The following LRRTM4 variants were observed in gnomAD, a reference collection of about 807,000 sequenced individuals.
The protein encoded by LRRTM4 is leucine-rich repeat transmembrane neuronal protein 4.
A neutral mutation model predicts 47.6 loss-of-function variants in LRRTM4; 25 were observed. The ratio of observed to expected loss-of-function variants is 0.53; its 90% CI spans 0.38 to 0.73. The LOEUF (loss-of-function observed/expected upper bound fraction) is 0.73. Among genes scored for constraint, LRRTM4 ranks in the 30% least tolerant of loss-of-function variants. LRRTM4 has a pLI of 0.00. For synonymous variants in LRRTM4, 311 were observed against 269.5 expected (o/e 1.15, Z -1.51); for missense variants, 638 against 713.4 (o/e 0.89, Z 1.20).
intron 3 of LRRTM4, among the ~76,000 whole-genome samples, chr2:76,847,442 ATCTTC>A (rs1671869659): frequency 1.3e-5 from 2 of 152,090 alleles, no homozygotes; most frequent in Admixed American, 1.3e-4. Flanking sequence ...CCTATTTGTC[ATCTTC>A]TCTTCTTCCT....
At chr2:77,329,255 C>A (rs753980718) in intron 3 of LRRTM4, among the ~76,000 whole-genome samples, 83 of 152,180 alleles carry the variant, frequency 5.5e-4, no homozygotes, top group Non-Finnish European at 1.0e-3. Flanking sequence ...GTACCTTTAC[C>A]TTCTGTGCCC....
At chr2:77,234,358 C>T (rs1274565770) in intron 3 of LRRTM4, among the ~76,000 whole-genome samples, 1 of 152,178 alleles carries the variant, frequency 6.6e-6, no homozygotes, top group East Asian at 1.9e-4. Flanking sequence ...AGAGATTTCT[C>T]TCCTTAGCTC....
intron 3 of LRRTM4, among the ~76,000 whole-genome samples, chr2:77,008,033 G>A (rs564887394): frequency 6.6e-6 from 1 of 152,250 alleles, no homozygotes; most frequent in East Asian, 1.9e-4. Flanking sequence ...CTGAAATACA[G>A]AAGGAAAATG....
rs573056876 is a variant in LRRTM4, at chr2:76,951,290, T to C, written c.1552-202374A>G. Among the ~76,000 whole-genome samples, 77 of 152,176 alleles carry C rather than the reference T, an allele frequency of 5.1e-4. 1 individual carries two copies. Among genetic ancestry groups the C allele is most frequent in the Middle Eastern group, 3.4e-3 (1 of 294 alleles). Reference sequence around the variant, plus strand: ...TTTAATGGTAAATATGAAAGACGTATAATGATTAGGAGAGTATGAACTGCT... The same window carrying C: ...TTTAATGGTAAATATGAAAGACGTACAATGATTAGGAGAGTATGAACTGCT... On this transcript the variant is annotated intron_variant, in intron 3 of 3. Coordinates refer to ENST00000409884, the MANE Select transcript of LRRTM4 (RefSeq NM_001134745.3).
intron 3 of LRRTM4, among the ~76,000 whole-genome samples, chr2:77,243,443 AAG>A (rs1386748913): frequency 6.7e-5 from 10 of 149,202 alleles, no homozygotes; most frequent in Non-Finnish European, 1.5e-4. Context: ...ATAAAAAAAA[AAG>A]ATAAATACTA....
At chr2:77,494,690 T>A (rs1182541717) in intron 3 of LRRTM4, among the ~76,000 whole-genome samples, 1 of 152,110 alleles carries the variant, frequency 6.6e-6, no homozygotes, top group African/African-American at 2.4e-5. Context: ...AAACAATATA[T>A]AATTTAATAG....
intron 3 of LRRTM4, among the ~76,000 whole-genome samples, chr2:77,026,715 T>C (rs1002245505): frequency 3.3e-5 from 5 of 152,026 alleles, no homozygotes; most frequent in African/African-American, 1.2e-4. Context: ...TTGCCTATTA[T>C]ACACATATAC....
chr2:77,308,977 AC>A (rs528271238), intron 3 of LRRTM4, among the ~76,000 whole-genome samples: 87 of 152,270 alleles, frequency 5.7e-4, no homozygotes, highest in Admixed American at 1.5e-3. Flanking sequence ...TCATTTTCAA[AC>A]CCAGAATTTC....
chr2:77,335,542 A>C (rs1671132598), intron 3 of LRRTM4, among the ~76,000 whole-genome samples: 1 of 152,194 alleles, frequency 6.6e-6, no homozygotes, highest in Non-Finnish European at 1.5e-5. Context: ...GTATCTTACT[A>C]TTTAAGCTGA....
intron 3 of LRRTM4, among the ~76,000 whole-genome samples, chr2:77,179,633 TA>T (rs765243954): frequency 6.6e-6 from 1 of 152,026 alleles, no homozygotes; most frequent in Non-Finnish European, 1.5e-5. Context: ...TTTACTCTAT[TA>T]AAAAAATTAG....
chr2:76,824,302 A>G (rs1671133182), intron 3 of LRRTM4, among the ~76,000 whole-genome samples: 1 of 151,528 alleles, frequency 6.6e-6, no homozygotes, highest in South Asian at 2.1e-4. Flanking sequence ...GACTGGTTGT[A>G]TAATTTGCTT....
chr2:77,151,484 T>C (rs1179263594), intron 3 of LRRTM4, among the ~76,000 whole-genome samples: 1 of 152,200 alleles, frequency 6.6e-6, no homozygotes, highest in Non-Finnish European at 1.5e-5. Context: ...CTCAAAGAGG[T>C]TCATTGTAGC....
chr2:77,474,691 G>C (rs1298875812), intron 3 of LRRTM4, among the ~76,000 whole-genome samples: 1 of 151,936 alleles, frequency 6.6e-6, no homozygotes, highest in Admixed American at 6.6e-5. Flanking sequence ...ACCTATATTT[G>C]AATGCTTTAA....
intron 3 of LRRTM4, among the ~76,000 whole-genome samples, chr2:76,879,880 G>T (rs868552526): frequency 1.1e-4 from 16 of 152,258 alleles, no homozygotes; most frequent in Admixed American, 2.6e-4. Flanking sequence ...GACTTTGAGG[G>T]GTTCATCATT....
intron 3 of LRRTM4, among the ~76,000 whole-genome samples, chr2:76,953,566 G>A (rs1021848808): frequency 2.1e-4 from 32 of 151,758 alleles, no homozygotes; most frequent in African/African-American, 6.0e-4. Context: ...CTGCCCAAGG[G>A]ACTGACTAGG....
intron 3 of LRRTM4, among the ~76,000 whole-genome samples, chr2:77,512,066 T>C (rs2104105888): frequency 6.6e-6 from 1 of 152,218 alleles, no homozygotes; most frequent in East Asian, 1.9e-4. Context: ...TCAGCGATCT[T>C]CCTACGTTAG....
At chr2:77,362,756 G>C (rs1280067889) in intron 3 of LRRTM4, among the ~76,000 whole-genome samples, 1 of 151,926 alleles carries the variant, frequency 6.6e-6, no homozygotes, top group East Asian at 1.9e-4. Context: ...TTTACTTTTT[G>C]TTCGTAAAAA....
intron 3 of LRRTM4, among the ~76,000 whole-genome samples, chr2:76,981,313 C>G (rs1294727577): frequency 6.6e-6 from 1 of 152,098 alleles, no homozygotes; most frequent in African/African-American, 2.4e-5. Context: ...TTAACTATCT[C>G]TCACTCAGAA....
intron 3 of LRRTM4, among the ~76,000 whole-genome samples, chr2:77,156,707 C>CTTTT (rs550760078): frequency 7.3e-6 from 1 of 136,168 alleles, no homozygotes; most frequent in Non-Finnish European, 1.6e-5. Context: ...GAGCCTTCAA[C>CTTTT]TTTTTTTTTT....
Sources: gnomAD v4.1 joint callset for allele counts (sites outside exome capture counted in the v4.1 genomes callset) on GRCh38, gnomAD v4.1.1 for gene constraint, MANE v1.5 for transcripts, NCBI Gene and HGNC (gene_info 2026-07-23, HGNC 2026-07-21) for gene names.